SLF1: variants seen among roughly 807,000 people sequenced by gnomAD.
SLF1 encodes SMC5/6 complex localization factor 1.
SLF1 carries 105 observed loss-of-function variants against 123.0 expected under a neutral mutation model. The observed-to-expected ratio is 0.85, with a 90% CI of 0.73 to 1.00. The LOEUF (loss-of-function observed/expected upper bound fraction) is 1.00. Among genes scored for constraint, SLF1 ranks in the 50% least tolerant of loss-of-function variants. The pLI, the probability that SLF1 is intolerant of heterozygous loss-of-function variation, is 0.00. For synonymous variants in SLF1, 434 were observed against 406.6 expected, an observed-to-expected ratio of 1.07 and a Z score of -0.81; for missense variants, 1,239 against 1,223.0, an observed-to-expected ratio of 1.01 and a Z score of -0.20.
chr5:94,626,567 C>A (rs1792266469), intron 1 of SLF1, among the ~76,000 whole-genome samples: 1 of 152,088 alleles, frequency 6.6e-6, no homozygotes, highest in Non-Finnish European at 1.5e-5. Context: ...ATGCAAAAAT[C>A]AGATAAATTG....
chr5:94,685,819 G>A (rs1752353102), intron 15 of SLF1, among the ~76,000 whole-genome samples: 1 of 151,078 alleles, frequency 6.6e-6, no homozygotes, highest in African/African-American at 2.4e-5. Context: ...TGGCAACAGA[G>A]CGAGACTCCG....
intron 9 of SLF1, among the ~76,000 whole-genome samples, chr5:94,658,139 G>A (rs6556851): frequency 0.22 from 32,939 of 146,662 alleles, 3,745 homozygotes; most frequent in East Asian, 0.35. Flanking sequence ...TTTATTGTTT[G>A]TCATTGCAGT....
chr5:94,661,561 G>T (rs1171492911), intron 9 of SLF1, among the ~76,000 whole-genome samples: 14 of 151,022 alleles, frequency 9.3e-5, no homozygotes, highest in African/African-American at 2.9e-4. Flanking sequence ...TTGAGACCGG[G>T]TCTAGCTCTG....
intron 15 of SLF1, among the ~76,000 whole-genome samples, chr5:94,680,391 T>TTCCTGCAG (rs1751629298): frequency 6.6e-6 from 1 of 152,224 alleles, no homozygotes; most frequent in Non-Finnish European, 1.5e-5. Flanking sequence ...ATTTCTTAGC[T>TTCCTGCAG]AACATTCAAT....
Position 94,696,472 on chromosome 5 carries a change from T to TTAA in SLF1, c.*1160_*1161insTAA, listed in dbSNP as rs1326988740. On this transcript the variant is annotated 3_prime_UTR_variant, in exon 21 of 21. Coordinates refer to ENST00000265140, the MANE Select transcript of SLF1 (RefSeq NM_032290.4). ...ACTTTTTCCACACATACTCAGGAAA[T>TTAA]ACTAGTTTCTATTTAGCCTTCAAAT... 1 of 151,860 alleles carries TTAA rather than the reference T, an allele frequency of 6.6e-6. No individual in the cohort carries two copies. Among genetic ancestry groups the TTAA allele is most frequent in the Non-Finnish European group, 1.5e-5 (1 of 67,840 alleles). The allele number at this position is 151,860 out of a possible 1,614,324, so 9.4% of individuals were successfully genotyped here. A position where few individuals can be genotyped will look rare whatever the true frequency, so the allele number is the denominator to read the frequency against.
intron 1 of SLF1, among the ~76,000 whole-genome samples, chr5:94,627,520 T>C (rs1241604864): frequency 1.3e-5 from 2 of 149,462 alleles, no homozygotes; most frequent in Non-Finnish European, 3.0e-5. Context: ...ACTTAGATTT[T>C]TTTTAAAAAG....
chr5:94,674,480 T>G (rs1750821927), intron 14 of SLF1, among the ~76,000 whole-genome samples: 1 of 152,248 alleles, frequency 6.6e-6, no homozygotes, highest in Non-Finnish European at 1.5e-5. Flanking sequence ...TAAAACTGCT[T>G]TTTAAAAATT....
intron 15 of SLF1, among the ~76,000 whole-genome samples, chr5:94,684,046 C>T (rs561326343): frequency 5.9e-5 from 9 of 152,252 alleles, no homozygotes; most frequent in Non-Finnish European, 1.0e-4. Context: ...GTCGACCTGT[C>T]ATATTAATAC....
chr5:94,632,197 A>G lies in SLF1; in HGVS notation c.431+1454A>G, dbSNP rs375563391. On this transcript the variant is annotated intron_variant, in intron 4 of 20. Transcript: ENST00000265140. ...ATTTTGGCACTGTTAACGAAAATCA[A>G]TTGACCATGTATGTGTGGTCTATTT... Among the ~76,000 whole-genome samples, 22 of 152,186 alleles carry G rather than the reference A, an allele frequency of 1.4e-4. No individual in the cohort carries two copies. In the South Asian group the frequency reaches 4.4e-3, roughly 30 times the overall value.
chr5:94,682,483 G>A (rs771202992), intron 15 of SLF1, among the ~76,000 whole-genome samples: 15 of 151,936 alleles, frequency 9.9e-5, no homozygotes, highest in Admixed American at 6.6e-5. Flanking sequence ...TGAAGATATC[G>A]GTCCATCTTT....
At chr5:94,628,783 T>C in intron 1 of SLF1, 28 bp from the exon 2 acceptor site, 1 of 1,428,032 alleles carries the variant, frequency 7.0e-7, no homozygotes, top group Non-Finnish European at 9.5e-7. Flanking sequence ...TTAACACACA[T>C]TATCTTCTGT....
At chr5:94,621,815 A>C (rs1791814234) in intron 1 of SLF1, among the ~76,000 whole-genome samples, 1 of 152,048 alleles carries the variant, frequency 6.6e-6, no homozygotes, top group African/African-American at 2.4e-5. Context: ...TTCCCAAATA[A>C]TGCTATGGAA....
intron 9 of SLF1, among the ~76,000 whole-genome samples, chr5:94,658,736 C>T (rs1398750961): frequency 6.6e-6 from 1 of 152,152 alleles, no homozygotes; most frequent in Non-Finnish European, 1.5e-5. Flanking sequence ...TATGCCTTTG[C>T]CCATCACTTC....
chr5:94,667,256 G>A (rs1283073290), intron 12 of SLF1, among the ~76,000 whole-genome samples: 5 of 152,168 alleles, frequency 3.3e-5, no homozygotes, highest in Admixed American at 6.5e-5. Flanking sequence ...TGACTGAGAT[G>A]TAAACAATAC....
intron 4 of SLF1, among the ~76,000 whole-genome samples, chr5:94,638,595 C>G (rs1746082232): frequency 6.6e-6 from 1 of 152,180 alleles, no homozygotes; most frequent in Non-Finnish European, 1.5e-5. Context: ...TCTATAAAAG[C>G]TCAATGCCTG....
At chr5:94,671,195 C>T (rs1413309927) in intron 14 of SLF1, among the ~76,000 whole-genome samples, 187 bp downstream of exon 14, 3 of 151,748 alleles carry the variant, frequency 2.0e-5, no homozygotes, top group Admixed American at 2.0e-4. Context: ...TTCATCGTCT[C>T]ATGTTTGCAT....
intron 14 of SLF1, among the ~76,000 whole-genome samples, chr5:94,676,611 TCTC>T (rs1361337964): frequency 6.6e-6 from 1 of 152,154 alleles, no homozygotes; most frequent in Admixed American, 6.5e-5. Context: ...CTTTTAAAAA[TCTC>T]CTCAGCCCCA....
intron 9 of SLF1, among the ~76,000 whole-genome samples, chr5:94,661,673 AT>A (rs1383670842): frequency 5.9e-5 from 9 of 151,602 alleles, no homozygotes; most frequent in African/African-American, 2.2e-4. Flanking sequence ...AGTAGCTAGG[AT>A]TATAGGCGCC....
At chr5:94,624,878 A>G (rs1406393271) in intron 1 of SLF1, among the ~76,000 whole-genome samples, 1 of 152,098 alleles carries the variant, frequency 6.6e-6, no homozygotes, top group East Asian at 1.9e-4. Flanking sequence ...TAGGAAAAGC[A>G]TATGTGTTTA....
Sources: allele counts gnomAD v4.1 joint callset (sites outside exome capture counted in the v4.1 genomes callset), GRCh38; gene constraint gnomAD v4.1.1; transcripts MANE v1.5; gene names NCBI Gene and HGNC (gene_info 2026-07-23, HGNC 2026-07-21).